Variants in CPLX2 observed in about 807,000 individuals in gnomAD.
The protein encoded by CPLX2 is complexin 2, also known as complexin-2.
In CPLX2, 5 loss-of-function variants were observed where a neutral mutation model predicts 16.3. The observed-to-expected ratio is 0.31, with a 90% CI of 0.16 to 0.64. The LOEUF is 0.64. CPLX2 is among the 30% of genes least tolerant of loss of function. The pLI, the probability that CPLX2 is intolerant of heterozygous loss-of-function variation, is 0.79. For missense variants in CPLX2, 144 were observed against 181.4 expected, an observed-to-expected ratio of 0.79 and a Z score of 1.18; for synonymous variants, 89 against 73.2, an observed-to-expected ratio of 1.22 and a Z score of -1.10.
intron 2 of CPLX2, among the ~76,000 whole-genome samples, chr5:175,833,925 G>T (rs3929064): frequency 0.28 from 42,102 of 151,930 alleles, 6,172 homozygotes; most frequent in Middle Eastern, 0.39. Context: ...GGAGGCCCAG[G>T]TTCCTGCAGG....
chr5:175,835,839 A>G (rs1297614165), intron 2 of CPLX2, among the ~76,000 whole-genome samples: 2 of 147,672 alleles, frequency 1.4e-5, no homozygotes, highest in African/African-American at 5.0e-5. Flanking sequence ...CCCGGGTTCA[A>G]GTGATTCTCC....
chr5:175,814,112 A>G (rs1024924442), intron 2 of CPLX2, among the ~76,000 whole-genome samples: 1 of 152,252 alleles, frequency 6.6e-6, no homozygotes, highest in African/African-American at 2.4e-5. Flanking sequence ...GAAGTGGTGT[A>G]TGACTGAGGC....
intron 1 of CPLX2, among the ~76,000 whole-genome samples, chr5:175,873,320 G>A (rs1759680419): frequency 6.6e-6 from 1 of 151,708 alleles, no homozygotes; most frequent in South Asian, 2.1e-4. Flanking sequence ...GTCCAGAGTT[G>A]CACACACGGG....
At chr5:175,806,789 C>T (rs1053381686) in intron 1 of CPLX2, among the ~76,000 whole-genome samples, 2 of 152,106 alleles carry the variant, frequency 1.3e-5, no homozygotes, top group Admixed American at 6.5e-5. Context: ...TGAGCCACTG[C>T]GACCAGCCTC....
chr5:175,837,321 A>T (rs1284174915), intron 2 of CPLX2, among the ~76,000 whole-genome samples: 6 of 152,100 alleles, frequency 3.9e-5, no homozygotes, highest in Non-Finnish European at 8.8e-5. Context: ...GGAGCCTTGA[A>T]ACCTTCCCGC....
intron 2 of CPLX2, among the ~76,000 whole-genome samples, chr5:175,819,537 T>G (rs1288619848): frequency 6.6e-6 from 1 of 152,208 alleles, no homozygotes; most frequent in East Asian, 1.9e-4. Flanking sequence ...TTGGACATCC[T>G]CTTTCCCAAA....
chr5:175,832,515 G>C (rs887603602), intron 2 of CPLX2, among the ~76,000 whole-genome samples: 1 of 152,152 alleles, frequency 6.6e-6, no homozygotes, highest in African/African-American at 2.4e-5. Flanking sequence ...CTGTTCTTTT[G>C]CCTATAATTG....
chr5:175,804,811 CCT>C (rs1758166321), intron 1 of CPLX2, among the ~76,000 whole-genome samples: 1 of 152,200 alleles, frequency 6.6e-6, no homozygotes, highest in Non-Finnish European at 1.5e-5. Flanking sequence ...GTGCTACTCC[CCT>C]GACTACCCAA....
At chr5:175,810,577 G>A (rs1179959252) in intron 2 of CPLX2, among the ~76,000 whole-genome samples, 1 of 152,180 alleles carries the variant, frequency 6.6e-6, no homozygotes, top group African/African-American at 2.4e-5. Flanking sequence ...TGTGTACTGA[G>A]TGTTATATAA....
chr5:175,854,038 G>A (rs369473765), intron 2 of CPLX2, among the ~76,000 whole-genome samples: 8 of 152,274 alleles, frequency 5.3e-5, no homozygotes, highest in East Asian at 3.9e-4. Context: ...TCAGAGAGGC[G>A]CAGTGCCTTG....
intron 2 of CPLX2, among the ~76,000 whole-genome samples, chr5:175,860,594 G>GGAAA (rs1164628948): frequency 8.4e-6 from 1 of 119,632 alleles, no homozygotes; most frequent in East Asian, 2.3e-4. Flanking sequence ...AGGGAAGGAA[G>GGAAA]GAAGGAAGGA....
chr5:175,816,174 CTT>C lies in CPLX2; in HGVS notation c.-89+7117_-89+7118del, dbSNP rs993472218. On this transcript the variant is annotated intron_variant, in intron 2 of 4. Coordinates refer to the CPLX2 transcript ENST00000359546. ...AGTGAGTGGAGAACTCACAGTCACTCTTTTTTTTTTTTGAGACAGAGTCTCAC... is the reference window on the plus strand; with the variant it reads ...AGTGAGTGGAGAACTCACAGTCACTCTTTTTTTTTTGAGACAGAGTCTCAC... 1.3e-3 allele frequency among the ~76,000 whole-genome samples: 197 copies of C among 146,380 alleles called. 2 individuals carry two copies. In the Middle Eastern group the frequency reaches 0.018, roughly 13 times the overall value.
intron 2 of CPLX2, among the ~76,000 whole-genome samples, chr5:175,813,129 G>T (rs1758343333): frequency 6.6e-6 from 1 of 152,192 alleles, no homozygotes. Context: ...TGCTGTACAA[G>T]ATGACTTTAG....
intron 1 of CPLX2, among the ~76,000 whole-genome samples, chr5:175,806,616 G>A (rs1296446411): frequency 3.3e-5 from 5 of 151,924 alleles, no homozygotes; most frequent in South Asian, 2.1e-4. Flanking sequence ...TCAGCCTCCC[G>A]AGTAGCTGGG....
chr5:175,821,970 G>A (rs1382864743), intron 2 of CPLX2, among the ~76,000 whole-genome samples: 1 of 152,212 alleles, frequency 6.6e-6, no homozygotes, highest in Non-Finnish European at 1.5e-5. Context: ...CAAGGAAGAG[G>A]TGATGTTTTT....
intron 1 of CPLX2, among the ~76,000 whole-genome samples, chr5:175,798,961 C>T (rs1258191550): frequency 1.3e-5 from 2 of 152,228 alleles, no homozygotes; most frequent in Non-Finnish European, 1.5e-5. Flanking sequence ...AAGTCACTAA[C>T]TCAAATCATG....
At chr5:175,860,497 GAAAA>G (rs1561786313) in intron 2 of CPLX2, among the ~76,000 whole-genome samples, 6 of 54,634 alleles carry the variant, frequency 1.1e-4, no homozygotes, top group African/African-American at 4.9e-4. Context: ...AAGAAAGAAA[GAAAA>G]GAAAGAAAGA....
At chr5:175,857,693 G>T (rs1759285783) in intron 2 of CPLX2, among the ~76,000 whole-genome samples, 1 of 152,190 alleles carries the variant, frequency 6.6e-6, no homozygotes, top group Non-Finnish European at 1.5e-5. Context: ...AATGTGTATT[G>T]CTTTCACACC....
In CPLX2 at chr5:175,830,392, G is replaced by C. The variant is rs1299310045; in HGVS notation, c.-89+21324G>C. Among the ~76,000 whole-genome samples, 1 of 152,190 alleles carries C rather than the reference G, an allele frequency of 6.6e-6. No individual in the cohort carries two copies. The highest frequency in any genetic ancestry group is 1.5e-5 in the Non-Finnish European group (1 of 68,034). On this transcript the variant is annotated intron_variant, in intron 2 of 4. Coordinates refer to the CPLX2 transcript ENST00000359546. The surrounding 1 kb of genome is among the most constrained non-coding windows in gnomAD (Gnocchi z 4.0). Reference sequence around the variant, plus strand: ...GGTTACACAGCCAGGGAGCAGCAGAGCCCAGGTATGAACCATCATGCCTGT... The same window carrying C: ...GGTTACACAGCCAGGGAGCAGCAGACCCCAGGTATGAACCATCATGCCTGT...
Sources: gnomAD v4.1 joint callset for allele counts (sites outside exome capture counted in the v4.1 genomes callset) on GRCh38, gnomAD v4.1.1 for gene constraint, Gnocchi (gnomAD v3.1) non-coding constraint, MANE v1.5 for transcripts, NCBI Gene and HGNC (gene_info 2026-07-23, HGNC 2026-07-21) for gene names.